Variants in NCKAP5 observed in about 807,000 individuals in gnomAD.
NCKAP5 encodes the protein nck-associated protein 5.
Under a neutral mutation model 167.0 loss-of-function variants are expected in NCKAP5, and 92 were observed. The ratio of observed to expected loss-of-function variants is 0.55; its 90% CI spans 0.47 to 0.66. The LOEUF (loss-of-function observed/expected upper bound fraction) is 0.66, where lower values mean the gene tolerates loss of function less well. Among genes scored for constraint, NCKAP5 ranks in the 30% least tolerant of loss-of-function variants. NCKAP5 has a pLI of 0.00. For missense variants in NCKAP5, 2,378 were observed against 2,315.0 expected (o/e 1.03, Z -0.56); for synonymous variants, 891 against 877.4 (o/e 1.02, Z -0.27).
chr2:133,613,030 G>A, the NCKAP5 span, among the ~76,000 whole-genome samples: 47 of 152,140 alleles, frequency 3.1e-4, no homozygotes, highest in African/African-American at 1.1e-3. Flanking sequence ...GCTAAGAGGA[G>A]CATTCCCAAA....
intron 3 of NCKAP5, among the ~76,000 whole-genome samples, chr2:133,474,144 C>T (rs1163071692): frequency 6.8e-5 from 10 of 146,310 alleles, no homozygotes; most frequent in African/African-American, 2.7e-4. Context: ...ATCTATCTAT[C>T]TATCTATCTA....
At chr2:133,135,822 G>T (rs944682260) in intron 5 of NCKAP5, among the ~76,000 whole-genome samples, 12 of 151,872 alleles carry the variant, frequency 7.9e-5, no homozygotes, top group African/African-American at 2.7e-4. Context: ...GTATGGTAAG[G>T]CACTTCAAAA....
intron 6 of NCKAP5, among the ~76,000 whole-genome samples, chr2:133,006,596 T>A (rs1266989863): frequency 6.7e-6 from 1 of 149,996 alleles, no homozygotes; most frequent in Non-Finnish European, 1.5e-5. Flanking sequence ...ATTTTCTACA[T>A]CTCACACAGT....
At chr2:133,038,613 G>A (rs998985663) in intron 6 of NCKAP5, among the ~76,000 whole-genome samples, 6 of 152,240 alleles carry the variant, frequency 3.9e-5, no homozygotes, top group Admixed American at 2.0e-4. Flanking sequence ...AAAATAACCT[G>A]AAGAGTGTAA....
intron 7 of NCKAP5, among the ~76,000 whole-genome samples, chr2:132,972,152 C>G (rs1266441023): frequency 1.3e-5 from 2 of 152,154 alleles, no homozygotes; most frequent in Non-Finnish European, 2.9e-5. Flanking sequence ...AGCTGATACA[C>G]ATTTACCTAT....
At chr2:133,158,048 C>G (rs1211337698) in intron 5 of NCKAP5, among the ~76,000 whole-genome samples, 1 of 152,132 alleles carries the variant, frequency 6.6e-6, no homozygotes, top group East Asian at 1.9e-4. Flanking sequence ...GGTAGATGTG[C>G]TTCTAAATGA....
chr2:133,363,536 AC>A (rs1685261850), intron 3 of NCKAP5, among the ~76,000 whole-genome samples: 1 of 152,218 alleles, frequency 6.6e-6, no homozygotes, highest in African/African-American at 2.4e-5. Flanking sequence ...ACATTAATCT[AC>A]ATTAACAGAA....
chr2:132,718,662 T>G (rs1460201980), intron 19 of NCKAP5, among the ~76,000 whole-genome samples: 2 of 152,210 alleles, frequency 1.3e-5, no homozygotes, highest in Admixed American at 1.3e-4. Context: ...CTTATTGTAT[T>G]TCTCCCTGCA....
At chr2:133,083,687 T>C (rs2080888476) in intron 6 of NCKAP5, among the ~76,000 whole-genome samples, 1 of 152,108 alleles carries the variant, frequency 6.6e-6, no homozygotes, top group Admixed American at 6.6e-5. Flanking sequence ...ATACAAACAG[T>C]GTGTGTGAAT....
intron 16 of NCKAP5, among the ~76,000 whole-genome samples, chr2:132,771,616 G>A (rs1452982264): frequency 6.6e-6 from 1 of 151,602 alleles, no homozygotes; most frequent in Non-Finnish European, 1.5e-5. Context: ...CCCACCCAGA[G>A]CAACCTCCAG....
chr2:133,367,445 T>C (rs1384810583), intron 3 of NCKAP5, among the ~76,000 whole-genome samples: 1 of 152,190 alleles, frequency 6.6e-6, no homozygotes, highest in African/African-American at 2.4e-5. Context: ...AAAGAAAATA[T>C]AAGTTTAAAA....
chr2:133,428,958 A>C (rs1689986023), intron 3 of NCKAP5, among the ~76,000 whole-genome samples: 1 of 152,172 alleles, frequency 6.6e-6, no homozygotes, highest in Admixed American at 6.6e-5. Context: ...TTAGAAATTA[A>C]TTTGGCAATA....
chr2:133,276,456 T>C (rs542489241), intron 4 of NCKAP5, among the ~76,000 whole-genome samples: 16 of 152,114 alleles, frequency 1.1e-4, no homozygotes, highest in African/African-American at 3.4e-4. Flanking sequence ...AGACGTCATA[T>C]ACATGGAAAA....
intron 13 of NCKAP5, among the ~76,000 whole-genome samples, chr2:132,786,575 T>C (rs1006811499): frequency 6.6e-6 from 1 of 152,068 alleles, no homozygotes; most frequent in Admixed American, 6.5e-5. Flanking sequence ...TTTGGAAAAG[T>C]GTATGGGAAA....
intron 16 of NCKAP5, among the ~76,000 whole-genome samples, chr2:132,746,079 T>C (rs1318381918): frequency 1.3e-5 from 2 of 151,980 alleles, no homozygotes; most frequent in African/African-American, 4.8e-5. Context: ...GTTGACACAT[T>C]GATTCTAAAA....
chr2:133,518,791 T>C (rs572725941), intron 2 of NCKAP5, among the ~76,000 whole-genome samples: 9 of 152,272 alleles, frequency 5.9e-5, no homozygotes, highest in African/African-American at 2.2e-4. Context: ...ATGCCATAAA[T>C]TACAACTCAT....
intron 4 of NCKAP5, among the ~76,000 whole-genome samples, chr2:133,239,964 AT>A (rs11413341): frequency 4.0e-5 from 6 of 150,866 alleles, no homozygotes; most frequent in Admixed American, 6.6e-5. Context: ...CCCTGGCCTT[AT>A]TTTTTTTTCA....
intron 8 of NCKAP5, among the ~76,000 whole-genome samples, chr2:132,912,136 A>T (rs771563432): frequency 6.6e-6 from 1 of 152,184 alleles, no homozygotes; most frequent in Non-Finnish European, 1.5e-5. Flanking sequence ...TGTGGTGACT[A>T]TGTGGCAGTG....
intron 3 of NCKAP5, among the ~76,000 whole-genome samples, chr2:133,434,420 G>C (rs142899909): frequency 9.4e-4 from 143 of 152,344 alleles, no homozygotes; most frequent in African/African-American, 3.3e-3. Context: ...AAGTAAAGCA[G>C]TAAAGTCAAG....
Sources: gnomAD v4.1 joint callset for allele counts (sites outside exome capture counted in the v4.1 genomes callset) on GRCh38, gnomAD v4.1.1 for gene constraint, MANE v1.5 for transcripts, NCBI Gene and HGNC (gene_info 2026-07-23, HGNC 2026-07-21) for gene names.